LRFN5: variants seen among roughly 807,000 people sequenced by gnomAD.
LRFN5 encodes the protein leucine rich repeat and fibronectin type III domain containing 5.
Under a neutral mutation model 45.6 loss-of-function variants are expected in LRFN5, and 24 were observed. That is an observed-to-expected ratio of 0.53 (90% CI 0.38 to 0.74). LRFN5 has a LOEUF of 0.74. LRFN5 is among the 30% of genes least tolerant of loss of function. The probability of loss-of-function intolerance (pLI) is 0.00; values close to 1 mark genes in which losing one functional copy is unlikely to be tolerated. For missense variants in LRFN5, 776 were observed against 861.5 expected (o/e 0.90, Z 1.24); for synonymous variants, 340 against 313.8 (o/e 1.08, Z -0.88).
At chr14:41,622,799 C>A (rs1218550156) in intron 1 of LRFN5, among the ~76,000 whole-genome samples, 4 of 152,070 alleles carry the variant, frequency 2.6e-5, no homozygotes, top group Admixed American at 1.3e-4. Context: ...TATTTGTTAT[C>A]ATGATCTATT....
chr14:41,771,542 T>C (rs1236571684), intron 2 of LRFN5, among the ~76,000 whole-genome samples: 5 of 152,110 alleles, frequency 3.3e-5, no homozygotes, highest in African/African-American at 1.2e-4. Flanking sequence ...GCTTAGAATT[T>C]TTTTCTGCCA....
intron 1 of LRFN5, among the ~76,000 whole-genome samples, chr14:41,674,080 C>G (rs1261823723): frequency 1.3e-5 from 2 of 149,400 alleles, no homozygotes; most frequent in Admixed American, 6.6e-5. Context: ...GGGGGCTGAC[C>G]CCCCCACCTC....
intron 2 of LRFN5, among the ~76,000 whole-genome samples, chr14:41,858,513 G>A (rs117785970): frequency 2.0e-5 from 3 of 150,094 alleles, no homozygotes; most frequent in Non-Finnish European, 3.0e-5. Flanking sequence ...TTTTTTTTCC[G>A]CCATAGGCTT....
chr14:41,799,903 G>C (rs1416113593), intron 2 of LRFN5, among the ~76,000 whole-genome samples: 1 of 151,626 alleles, frequency 6.6e-6, no homozygotes, highest in African/African-American at 2.4e-5. Flanking sequence ...GATATCTCAG[G>C]CTATGAATTA....
At chr14:41,885,726 G>A (rs766601322) in intron 2 of LRFN5, among the ~76,000 whole-genome samples, 28 of 152,162 alleles carry the variant, frequency 1.8e-4, no homozygotes, top group Non-Finnish European at 3.2e-4. Flanking sequence ...CAGTTAAGAT[G>A]TGAAGATTGG....
chr14:41,686,431 C>T (rs1882125442), intron 1 of LRFN5, among the ~76,000 whole-genome samples: 1 of 151,674 alleles, frequency 6.6e-6, no homozygotes, highest in Non-Finnish European at 1.5e-5. Context: ...GCTTGACTTC[C>T]TCTATTCCTA....
intron 4 of LRFN5, 198 bp downstream of exon 4, chr14:41,892,160 T>A (rs1890808719): frequency 8.1e-6 from 8 of 985,280 alleles, no homozygotes; most frequent in Non-Finnish European, 9.6e-6. Context: ...AACTCTCAAA[T>A]TCTGAGGGAC....
At chr14:41,709,434 C>T (rs186531736) in intron 1 of LRFN5, among the ~76,000 whole-genome samples, 3 of 151,996 alleles carry the variant, frequency 2.0e-5, no homozygotes, top group African/African-American at 7.2e-5. Context: ...AATCACTTCT[C>T]ATTTTTCACA....
intron 1 of LRFN5, among the ~76,000 whole-genome samples, chr14:41,747,030 C>A (rs1884948577): frequency 6.6e-6 from 1 of 151,866 alleles, no homozygotes; most frequent in African/African-American, 2.4e-5. Flanking sequence ...ATGAAAACTA[C>A]AAAACATTTC....
intron 1 of LRFN5, among the ~76,000 whole-genome samples, chr14:41,643,549 G>C (rs1043405299): frequency 6.6e-6 from 1 of 151,990 alleles, no homozygotes; most frequent in African/African-American, 2.4e-5. Flanking sequence ...TGAATCATTG[G>C]GTTGATTCAA....
chr14:41,780,911 A>G (rs201278899), intron 2 of LRFN5, among the ~76,000 whole-genome samples: 1 of 152,126 alleles, frequency 6.6e-6, no homozygotes, highest in East Asian at 1.9e-4. Context: ...AAGTAACACT[A>G]TACTATTTTA....
intron 2 of LRFN5, among the ~76,000 whole-genome samples, chr14:41,861,807 A>C (rs1278754071): frequency 6.6e-6 from 1 of 152,182 alleles, no homozygotes; most frequent in African/African-American, 2.4e-5. Flanking sequence ...TCTTTATGTA[A>C]ACACCACCTT....
In LRFN5 at chr14:41,622,998, A is replaced by T. The variant is rs548618058; in HGVS notation, c.-197+14436A>T. On this transcript the variant is annotated intron_variant, in intron 1 of 5. Coordinates refer to ENST00000298119, the MANE Select transcript of LRFN5 (RefSeq NM_152447.5). ...TTATGATATACCATATTTTGTATTG[A>T]CTTCTGCTATGCTTACAGTTAGAGG... Among the ~76,000 whole-genome samples, 35 of 152,198 alleles carry T rather than the reference A, an allele frequency of 2.3e-4. 2 individuals are homozygous for T. In the South Asian group the frequency reaches 6.6e-3, roughly 29 times the overall value.
rs1566642895 is a variant in LRFN5 at position 41,734,335 on chromosome 14, TA to T, written c.-196-32518del. Among the ~76,000 whole-genome samples, 26 of 107,678 alleles carry T rather than the reference TA, an allele frequency of 2.4e-4. 3 individuals are homozygous for T. The East Asian group carries it at 4.0e-3, about 16-fold the overall frequency. 70.6% of individuals were successfully genotyped at this position (107,678 alleles called of 152,430 possible). A position where few individuals can be genotyped will look rare whatever the true frequency, so the allele number is the denominator to read the frequency against. ...CTGGTTTTATATATATATATATATA[TA>T]TATATATATTTAAATTTGCTGTAAC... On this transcript the variant is annotated intron_variant, in intron 1 of 5. Transcript: ENST00000298119.
chr14:41,827,339 T>C (rs1888332151), intron 2 of LRFN5, among the ~76,000 whole-genome samples: 1 of 152,084 alleles, frequency 6.6e-6, no homozygotes, highest in African/African-American at 2.4e-5. Context: ...CATTTATTTC[T>C]AATTTTCAAG....
At chr14:41,821,451 C>A (rs893658412) in intron 2 of LRFN5, among the ~76,000 whole-genome samples, 32 of 151,660 alleles carry the variant, frequency 2.1e-4, no homozygotes, top group Non-Finnish European at 4.1e-4. Flanking sequence ...TATTGATTTG[C>A]ATATATTGAA....
At chr14:41,878,952 G>A (rs541575656) in intron 2 of LRFN5, among the ~76,000 whole-genome samples, 8 of 152,018 alleles carry the variant, frequency 5.3e-5, no homozygotes, top group East Asian at 1.9e-4. Flanking sequence ...ATCTTACCTC[G>A]TATTTTTAAA....
chr14:41,634,444 T>C (rs1319509692), intron 1 of LRFN5, among the ~76,000 whole-genome samples: 1 of 152,094 alleles, frequency 6.6e-6, no homozygotes, highest in African/African-American at 2.4e-5. Flanking sequence ...TAAAGGCAAA[T>C]AGCTTCATAC....
At chr14:41,762,400 G>A (rs971073827) in intron 1 of LRFN5, among the ~76,000 whole-genome samples, 2 of 152,070 alleles carry the variant, frequency 1.3e-5, no homozygotes, top group Non-Finnish European at 2.9e-5. Context: ...TATGATCTTG[G>A]ATGTGTGTAA....
Sources: gnomAD v4.1 joint callset for allele counts (sites outside exome capture counted in the v4.1 genomes callset) on GRCh38, gnomAD v4.1.1 for gene constraint, MANE v1.5 for transcripts, NCBI Gene and HGNC (gene_info 2026-07-23, HGNC 2026-07-21) for gene names.